The following WWOX variants were observed in gnomAD, a reference collection of about 807,000 sequenced individuals.
WWOX encodes WW domain containing oxidoreductase, also known as WW domain-containing oxidoreductase.
A neutral mutation model predicts 46.2 loss-of-function variants in WWOX; 69 were observed. That is an observed-to-expected ratio of 1.49 (90% CI 1.23 to 1.82). The LOEUF (loss-of-function observed/expected upper bound fraction) is 1.82. Among genes scored for constraint, WWOX ranks in the 40% most tolerant of loss-of-function variants. WWOX has a pLI of 0.00. For missense variants in WWOX, 919 were observed against 542.6 expected, an observed-to-expected ratio of 1.69 and a Z score of -6.89; for synonymous variants, 359 against 202.6, an observed-to-expected ratio of 1.77 and a Z score of -6.56.
chr16:78,850,775 A>G (rs915725926), intron 8 of WWOX, among the ~76,000 whole-genome samples: 8 of 152,182 alleles, frequency 5.3e-5, no homozygotes, highest in Non-Finnish European at 8.8e-5. Context: ...TGGGACAAAC[A>G]GATATTGATA....
At chr16:78,517,855 ATTT>A (rs11342538) in intron 8 of WWOX, among the ~76,000 whole-genome samples, 12,560 of 86,534 alleles carry the variant, frequency 0.15, 793 homozygotes, top group South Asian at 0.36. Context: ...TACACAACCT[ATTT>A]TTTTTTTTTT....
intron 8 of WWOX, among the ~76,000 whole-genome samples, chr16:79,061,223 G>A (rs2048352521): frequency 6.6e-6 from 1 of 152,146 alleles, no homozygotes; most frequent in Non-Finnish European, 1.5e-5. Context: ...ATGTTAGGAA[G>A]GACTCTAAAG....
intron 8 of WWOX, among the ~76,000 whole-genome samples, chr16:78,753,694 C>T (rs1027218528): frequency 2.7e-5 from 4 of 149,396 alleles, no homozygotes; most frequent in African/African-American, 7.4e-5. Context: ...CCCAGGTACT[C>T]AGGAGGCTGA....
intron 8 of WWOX, among the ~76,000 whole-genome samples, chr16:78,785,092 C>G (rs1041378217): frequency 4.6e-5 from 7 of 152,148 alleles, no homozygotes; most frequent in South Asian, 4.1e-4. Context: ...AATATACTAA[C>G]TGAGAAATAA....
intron 8 of WWOX, among the ~76,000 whole-genome samples, chr16:79,121,854 C>G (rs11649247): frequency 1.3e-5 from 2 of 151,954 alleles, no homozygotes; most frequent in Non-Finnish European, 2.9e-5. Flanking sequence ...TAAAACAATT[C>G]GTTCTCAGCA....
chr16:78,301,341 G>C (rs113656879), intron 5 of WWOX, among the ~76,000 whole-genome samples: 2,144 of 152,202 alleles, frequency 0.014, 51 homozygotes, highest in African/African-American at 0.049. Context: ...TCAGGGATCA[G>C]GGTTAGAGGG....
intron 8 of WWOX, among the ~76,000 whole-genome samples, chr16:78,915,601 A>G (rs997005545): frequency 3.3e-5 from 5 of 152,176 alleles, no homozygotes; most frequent in South Asian, 2.1e-4. Context: ...GCTGGTTCCT[A>G]TTAGCAAAAT....
chr16:78,309,685 A>G (rs1169953259), intron 5 of WWOX, among the ~76,000 whole-genome samples: 1 of 152,186 alleles, frequency 6.6e-6, no homozygotes, highest in Non-Finnish European at 1.5e-5. Flanking sequence ...ACTTCTTTAA[A>G]TATTTTAGAG....
chr16:79,043,931 G>A (rs1034421363), intron 8 of WWOX, among the ~76,000 whole-genome samples: 3 of 152,160 alleles, frequency 2.0e-5, no homozygotes, highest in African/African-American at 7.2e-5. Flanking sequence ...CACTCTGCTC[G>A]GACCTTTCTG....
chr16:78,984,315 C>T (rs933006174), intron 8 of WWOX, among the ~76,000 whole-genome samples: 3 of 152,136 alleles, frequency 2.0e-5, no homozygotes, highest in Non-Finnish European at 2.9e-5. Context: ...TGCAAGTCCC[C>T]CACCTCCAAG....
At chr16:78,559,524 G>T (rs1398812835) in intron 8 of WWOX, among the ~76,000 whole-genome samples, 1 of 152,152 alleles carries the variant, frequency 6.6e-6, no homozygotes, top group African/African-American at 2.4e-5. Flanking sequence ...GCATTGCCTG[G>T]ATCACCTTGT....
chr16:78,487,010 G>T (rs1334055684), intron 8 of WWOX, among the ~76,000 whole-genome samples: 1 of 152,138 alleles, frequency 6.6e-6, no homozygotes, highest in African/African-American at 2.4e-5. Context: ...CCTGCTAAGT[G>T]TCCTCGACAG....
intron 5 of WWOX, among the ~76,000 whole-genome samples, chr16:78,374,668 C>A (rs140482740): frequency 0.053 from 7,962 of 151,356 alleles, 270 homozygotes; most frequent in East Asian, 0.12. Context: ...CCTGCCTCAG[C>A]CTCCCGAGTA....
chr16:78,112,540 G>C (rs888189646), intron 3 of WWOX, among the ~76,000 whole-genome samples: 3 of 152,108 alleles, frequency 2.0e-5, no homozygotes, highest in Non-Finnish European at 4.4e-5. Context: ...CAGGAAGACG[G>C]GGCTGTCTAG....
At chr16:78,444,841 G>A (rs767528394) in intron 8 of WWOX, among the ~76,000 whole-genome samples, 1 of 152,112 alleles carries the variant, frequency 6.6e-6, no homozygotes, top group Non-Finnish European at 1.5e-5. Context: ...ATGAGGAGCA[G>A]TTCTTTCAAT....
At chr16:78,517,541 G>T (rs1012287052) in intron 8 of WWOX, among the ~76,000 whole-genome samples, 2 of 152,152 alleles carry the variant, frequency 1.3e-5, no homozygotes, top group East Asian at 1.9e-4. Context: ...TTCAACAGGG[G>T]ATACAAATGG....
chr16:78,383,185 G>A (rs1351585240), intron 5 of WWOX, among the ~76,000 whole-genome samples: 2 of 151,852 alleles, frequency 1.3e-5, no homozygotes, highest in Non-Finnish European at 2.9e-5. Flanking sequence ...TATGAGATTT[G>A]GGTAGGGACA....
intron 8 of WWOX, among the ~76,000 whole-genome samples, chr16:79,200,527 A>G (rs1028580940): frequency 2.6e-5 from 4 of 152,080 alleles, no homozygotes; most frequent in African/African-American, 9.7e-5. Flanking sequence ...CCACTACAAT[A>G]ACACCTGCCT....
At chr16:78,154,259 G>A (rs1178753125) in intron 4 of WWOX, among the ~76,000 whole-genome samples, 3 of 152,126 alleles carry the variant, frequency 2.0e-5, no homozygotes, top group Admixed American at 6.5e-5. Context: ...TTTCTGGCTG[G>A]TCACAAGGCC....
Sources: gnomAD v4.1 joint callset for allele counts (sites outside exome capture counted in the v4.1 genomes callset) on GRCh38, gnomAD v4.1.1 for gene constraint, MANE v1.5 for transcripts, NCBI Gene and HGNC (gene_info 2026-07-23, HGNC 2026-07-21) for gene names.